THSD1: variants seen among roughly 807,000 people sequenced by gnomAD.
THSD1 encodes the protein thrombospondin type-1 domain-containing protein 1.
A neutral mutation model predicts 46.3 loss-of-function variants in THSD1; 34 were observed. The ratio of observed to expected loss-of-function variants is 0.74; its 90% CI spans 0.56 to 0.98. The LOEUF (loss-of-function observed/expected upper bound fraction) is 0.98, where lower values mean the gene tolerates loss of function less well. THSD1 is among the 50% of genes least tolerant of loss of function. The probability of loss-of-function intolerance (pLI) is 0.00; values close to 1 mark genes in which losing one functional copy is unlikely to be tolerated. For missense variants in THSD1, 1,023 were observed against 1,058.3 expected, an observed-to-expected ratio of 0.97 and a Z score of 0.46; for synonymous variants, 407 against 416.5, an observed-to-expected ratio of 0.98 and a Z score of 0.28.
chr13:52,395,420 G>A (rs188992650), intron 3 of THSD1, among the ~76,000 whole-genome samples: 1 of 152,218 alleles, frequency 6.6e-6, no homozygotes, highest in East Asian at 1.9e-4. Context: ...TAAGATGGTT[G>A]GTGAAGTCCT....
chr13:52,385,337 C>G (rs536208996), intron 4 of THSD1, among the ~76,000 whole-genome samples: 38 of 152,302 alleles, frequency 2.5e-4, no homozygotes, highest in African/African-American at 8.4e-4. Context: ...CAGTGTGTAA[C>G]TCATGGTAAA....
intron 2 of THSD1, chr13:52,399,919 G>C (rs1957841073): frequency 6.4e-6 from 1 of 155,400 alleles, no homozygotes; most frequent in Non-Finnish European, 1.4e-5. Flanking sequence ...TACTAATTTG[G>C]ATCTGAAGGG....
intron 4 of THSD1, 78 bp from the exon 5 acceptor site, chr13:52,378,867 T>TC (rs1566959866): frequency 1.1e-5 from 15 of 1,308,170 alleles, no homozygotes; most frequent in East Asian, 8.2e-5. Context: ...TCTTTTCTTT[T>TC]TTTTTTTTTT....
rs67802176 is a variant in THSD1, at chr13:52,403,938, ATT to A, written c.-81-1259_-81-1258del. Among the ~76,000 whole-genome samples the A allele has an allele frequency of 6.3e-3, 400 of 63,884 alleles. 2 individuals carry two copies. Among genetic ancestry groups the A allele is most frequent in the African/African-American group, 0.026 (337 of 12,770 alleles). The allele number at this position is 63,884 out of a possible 152,430, so 41.9% of individuals were successfully genotyped here. On this transcript the variant is annotated intron_variant, in intron 1 of 4. Transcript: ENST00000258613. ...GTTTAAGGTCCCCCCCATTATTCAC[ATT>A]TTTTTTTTTTTTTTTTTTTTTTTTT...
chr13:52,383,857 CT>C (rs1335636264), intron 4 of THSD1, among the ~76,000 whole-genome samples: 3 of 152,118 alleles, frequency 2.0e-5, no homozygotes, highest in Non-Finnish European at 4.4e-5. Flanking sequence ...TAGGACTTAC[CT>C]TTTTGCTAAC....
chr13:52,394,606 T>G (rs2137741009), intron 3 of THSD1, among the ~76,000 whole-genome samples: 1 of 148,618 alleles, frequency 6.7e-6, no homozygotes, highest in Admixed American at 6.7e-5. Context: ...AGAGCAAGAC[T>G]GTCCCAGAAA....
Position 52,397,278 on chromosome 13 carries a change from G to T in THSD1, c.975C>A (p.Ser325Arg). 1 of 1,611,214 alleles carries T rather than the reference G, an allele frequency of 6.2e-7. No homozygotes were observed. The highest frequency in any genetic ancestry group is 8.5e-7 in the Non-Finnish European group (1 of 1,178,774). Residue 325 changes from serine to arginine, a missense_variant, in exon 3 of 5, where the codon AGC (serine) becomes AGA (arginine). Around this residue, in one of 3 missense-constraint regions of THSD1, gnomAD observed 429 missense variants for 518.3 expected, o/e 0.83. Coordinates refer to ENST00000258613, the MANE Select transcript of THSD1 (RefSeq NM_018676.4). ...YCFDFGISSR[S>R]HFSAKEECML... Reference sequence around the variant, plus strand: ...TGCACTCCTCCTTTGCAGAAAAATGGCTTCTGCTTGAAATGCCAAAGTCAA... The same window carrying T: ...TGCACTCCTCCTTTGCAGAAAAATGTCTTCTGCTTGAAATGCCAAAGTCAA...
chr13:52,391,921 G>A (rs1008724765), intron 3 of THSD1, among the ~76,000 whole-genome samples: 12 of 151,974 alleles, frequency 7.9e-5, no homozygotes, highest in Non-Finnish European at 1.5e-4. Context: ...GGCCAGGCAC[G>A]GTGGCTCATG....
intron 4 of THSD1, among the ~76,000 whole-genome samples, chr13:52,383,281 G>C (rs1443202966): frequency 6.6e-6 from 1 of 152,092 alleles, no homozygotes; most frequent in Non-Finnish European, 1.5e-5. Context: ...TATTAAAAAG[G>C]CAATAGCAAA....
intron 3 of THSD1, among the ~76,000 whole-genome samples, chr13:52,387,194 C>A (rs759424600): frequency 2.0e-5 from 3 of 152,208 alleles, no homozygotes; most frequent in Non-Finnish European, 4.4e-5. Flanking sequence ...GAGGAAACCC[C>A]TATAGTCATG....
At chr13:52,399,255 T>C (rs1356680591) in intron 2 of THSD1, among the ~76,000 whole-genome samples, 1 of 152,168 alleles carries the variant, frequency 6.6e-6, no homozygotes, top group East Asian at 1.9e-4. Context: ...GTGCAAAGAA[T>C]AGACACACAA....
chr13:52,391,514 T>C (rs950524781), intron 3 of THSD1, among the ~76,000 whole-genome samples: 5 of 151,288 alleles, frequency 3.3e-5, no homozygotes, highest in African/African-American at 9.7e-5. Context: ...CCACCATACC[T>C]GCCAGAAGTA....
chr13:52,398,341 G>C (rs891766610), intron 2 of THSD1, 147 bp from the exon 3 acceptor site: 4 of 1,311,716 alleles, frequency 3.0e-6, no homozygotes, highest in African/African-American at 3.0e-5. Flanking sequence ...CGCAATCACT[G>C]CTCGCTGTAC....
At chr13:52,379,025 G>A (rs1957671083) in intron 4 of THSD1, among the ~76,000 whole-genome samples, 1 of 151,800 alleles carries the variant, frequency 6.6e-6, no homozygotes, top group African/African-American at 2.4e-5. Context: ...ACCACGCCTG[G>A]CTAATTTTTT....
chr13:52,377,793 G>A lies in THSD1; in HGVS notation c.2177C>T (p.Pro726Leu), dbSNP rs369361514. Residue 726 changes from proline to leucine, a missense_variant, in exon 5 of 5, where the codon CCT becomes CTT. By Grantham distance (98) the Pro-to-Leu change is moderately conservative. Transcript: ENST00000258613. ...GGGCTGCCCCAAAGTGTAGGATTTA[G>A]GGAGAGGGTTTAATGGACCACGGGT... is the stretch of plus-strand genomic sequence containing the variant. Reference protein sequence around the residue: ...SGTRGPLNPLPKSYTLGQPLR... With the variant: ...SGTRGPLNPLLKSYTLGQPLR... 25 of 1,614,222 alleles carry A rather than the reference G, an allele frequency of 1.5e-5. No homozygotes were observed. The highest frequency in any genetic ancestry group is 4.5e-5 in the East Asian group (2 of 44,884).
Position 52,397,749 on chromosome 13 carries a change from A to C in THSD1, c.504T>G (p.Asp168Glu). Residue 168 changes from aspartate (D) to glutamate (E), a missense_variant, in exon 3 of 5, where the codon GAT (aspartate) becomes GAG (glutamate). Physicochemically the swap from Asp to Glu is conservative, Grantham distance 45. This residue lies in a region of THSD1 where 429 missense variants were observed against 518.3 expected (regional missense o/e 0.83). Transcript: ENST00000258613. ...FPVDKPNIVV[D>E]VIFTNSLPEA... The stretch of plus-strand genomic sequence containing the variant: ...CAGGAAGACTGTTGGTGAAGATGAC[A>C]TCCACTACGATGTTGGGCTTGTCCA... The C allele has an allele frequency of 6.2e-7, 1 of 1,614,214 alleles. No individual in the cohort carries two copies. The highest frequency in any genetic ancestry group is 8.5e-7 in the Non-Finnish European group (1 of 1,180,034).
rs1047059632 is a variant in THSD1, at chr13:52,392,207, A to T, written c.1021+5025T>A. Among the ~76,000 whole-genome samples, 487 of 151,578 alleles carry T rather than the reference A, an allele frequency of 3.2e-3. 3 individuals carry two copies. Among genetic ancestry groups the T allele is most frequent in the African/African-American group, 0.011 (439 of 41,384 alleles). The stretch of plus-strand genomic sequence containing the variant: ...ACTCCTCTCAAAAAAAAAAAAAAAA[A>T]AAAAGTAAAATCATAGCATGTAGGA... On this transcript the variant is annotated intron_variant, in intron 3 of 4. Transcript: ENST00000258613.
rs561792030 is a variant in THSD1 at position 52,382,270 on chromosome 13, A to G, written c.1181-3481T>C. On this transcript the variant is annotated intron_variant, in intron 4 of 4. Transcript: ENST00000258613. ...CAGTTCACACAGTTGCCAGTACTAA[A>G]ATCCTGGGTTTCATCCTTCATGCTC... Among the ~76,000 whole-genome samples the G allele has an allele frequency of 2.0e-5, 3 of 152,164 alleles. No homozygotes were observed. In the South Asian group the frequency reaches 6.2e-4, roughly 32 times the overall value.
intron 4 of THSD1, among the ~76,000 whole-genome samples, chr13:52,381,450 C>T (rs1469149965): frequency 2.6e-5 from 4 of 152,194 alleles, no homozygotes; most frequent in Admixed American, 1.3e-4. Flanking sequence ...AATTTCACCA[C>T]TTTCTTAAGC....
Sources: gnomAD v4.1 joint callset for allele counts (sites outside exome capture counted in the v4.1 genomes callset) on GRCh38, gnomAD v4.1.1 for gene constraint, gnomAD v4.1.1 regional missense constraint, MANE v1.5 for transcripts, NCBI Gene and HGNC (gene_info 2026-07-23, HGNC 2026-07-21) for gene names.